Variants in HDAC4 observed in about 807,000 individuals in gnomAD.
The protein encoded by HDAC4 is histone deacetylase 4.
HDAC4 carries 16 observed loss-of-function variants against 135.1 expected under a neutral mutation model. That is an observed-to-expected ratio of 0.12 (90% CI 0.08 to 0.18). HDAC4 has a LOEUF of 0.18. HDAC4 is among the 10% of genes least tolerant of loss of function. The pLI, the probability that HDAC4 is intolerant of heterozygous loss-of-function variation, is 1.00. For missense variants in HDAC4, 1,143 were observed against 1,511.8 expected (o/e 0.76, Z 4.05); for synonymous variants, 685 against 653.4 (o/e 1.05, Z -0.74).
At chr2:239,399,973 T>A (rs1203890225) in intron 1 of HDAC4, among the ~76,000 whole-genome samples, 1 of 152,230 alleles carries the variant, frequency 6.6e-6, no homozygotes, top group African/African-American at 2.4e-5. Context: ...ATTAAATGAG[T>A]ACACTGGGTT....
intron 17 of HDAC4, among the ~76,000 whole-genome samples, chr2:239,093,137 G>A (rs915333596): frequency 6.6e-6 from 1 of 152,152 alleles, no homozygotes. Flanking sequence ...TGAAACTTGC[G>A]GTCACTGGAG....
In HDAC4 at chr2:239,262,211, G is replaced by C. The variant is rs2049415373; in HGVS notation, c.23-25547C>G. ...TATCCACGTGGCTTTTTATAAGCTA[G>C]TATTTCCTCCTGTGGTGTCTCCTTG... On this transcript the variant is annotated intron_variant, in intron 2 of 26. Coordinates refer to ENST00000543185, the MANE Select transcript of HDAC4 (RefSeq NM_001378414.1). This position sits in a 1 kb window ranked among gnomAD's most constrained non-coding sequence, Gnocchi z 4.1. 6.6e-6 allele frequency among the ~76,000 whole-genome samples: 1 copy of C among 152,180 alleles called. No individual in the cohort carries two copies. The highest frequency in any genetic ancestry group is 1.5e-5 in the Non-Finnish European group (1 of 68,024).
At chr2:239,163,986 G>C in intron 5 of HDAC4, 63 bp from the exon 6 acceptor site, 1 of 1,603,602 alleles carries the variant, frequency 6.2e-7, no homozygotes, top group Non-Finnish European at 8.5e-7. Context: ...AGCAATGCAG[G>C]GCAGCGGGGC....
In HDAC4 at chr2:239,104,707, G is replaced by A. The variant is rs1008932400; in HGVS notation, c.2113-1811C>T. Among the ~76,000 whole-genome samples the A allele has an allele frequency of 9.2e-5, 14 of 152,250 alleles. 1 individual carries two copies. The highest frequency in any genetic ancestry group is 9.2e-4 in the Admixed American group (14 of 15,288). On this transcript the variant is annotated intron_variant, in intron 15 of 26. Coordinates refer to ENST00000543185, the MANE Select transcript of HDAC4 (RefSeq NM_001378414.1). The stretch of plus-strand genomic sequence containing the variant: ...TGCCAAGAGGCAGGTCATGTAGTGT[G>A]GACTTTGGGTGAAAGAACGGCAGGG...
intron 2 of HDAC4, among the ~76,000 whole-genome samples, chr2:239,328,829 C>T (rs1691346887): frequency 6.6e-6 from 1 of 152,250 alleles, no homozygotes; most frequent in Non-Finnish European, 1.5e-5. Flanking sequence ...GGCCAAGAGT[C>T]AGGAGCGGTG....
chr2:239,282,631 G>T (rs1381694131), intron 2 of HDAC4, among the ~76,000 whole-genome samples: 1 of 136,128 alleles, frequency 7.3e-6, no homozygotes, highest in African/African-American at 2.8e-5. Context: ...ACTCGACAAT[G>T]TACACACCAC....
At chr2:239,177,644 C>T (rs989527913) in intron 4 of HDAC4, among the ~76,000 whole-genome samples, 3 of 151,918 alleles carry the variant, frequency 2.0e-5, no homozygotes, top group Admixed American at 1.3e-4. Context: ...AAACTGACGT[C>T]GACATAAAAT....
chr2:239,057,135 G>C (rs1043578043), intron 24 of HDAC4, among the ~76,000 whole-genome samples: 1 of 152,150 alleles, frequency 6.6e-6, no homozygotes, highest in African/African-American at 2.4e-5. Flanking sequence ...GACTCATATC[G>C]AAGTAAGATG....
At chr2:239,372,610 C>A (rs949900839) in intron 1 of HDAC4, among the ~76,000 whole-genome samples, 1 of 152,246 alleles carries the variant, frequency 6.6e-6, no homozygotes, top group Non-Finnish European at 1.5e-5. Context: ...GAGCTCTGGT[C>A]CCCTCTCTCT....
chr2:239,271,254 T>C (rs1292656969), intron 2 of HDAC4, among the ~76,000 whole-genome samples: 1 of 152,114 alleles, frequency 6.6e-6, no homozygotes, highest in Non-Finnish European at 1.5e-5. Context: ...GCTGGAATCA[T>C]AGGTGCATGC....
rs552923778 is a variant in HDAC4, at chr2:239,184,228, G to T, written c.339+5605C>A. ...GAGAGGGTAAGCCTTGCAGGAGGGC[G>T]ATGTGCAACCTACATACAAAAGGTG... On this transcript the variant is annotated intron_variant, in intron 4 of 26. Coordinates refer to ENST00000543185, the MANE Select transcript of HDAC4 (RefSeq NM_001378414.1). Among the ~76,000 whole-genome samples, 4 of 152,332 alleles carry T rather than the reference G, an allele frequency of 2.6e-5. No individual in the cohort carries two copies. The East Asian group carries it at 7.7e-4, about 29-fold the overall frequency.
At chr2:239,252,912 A>G (rs2048860665) in intron 2 of HDAC4, among the ~76,000 whole-genome samples, 2 of 152,236 alleles carry the variant, frequency 1.3e-5, no homozygotes, top group Admixed American at 1.3e-4. Flanking sequence ...GTTCTCCGCC[A>G]GGAACGCACC....
At chr2:239,123,534 G>A (rs924008609) in intron 12 of HDAC4, among the ~76,000 whole-genome samples, 1 of 152,246 alleles carries the variant, frequency 6.6e-6, no homozygotes, top group Non-Finnish European at 1.5e-5. Context: ...TCAATCCTGA[G>A]CCTGCAGCCC....
At chr2:239,365,945 G>A (rs1238686400) in intron 1 of HDAC4, among the ~76,000 whole-genome samples, 2 of 151,840 alleles carry the variant, frequency 1.3e-5, no homozygotes, top group Non-Finnish European at 2.9e-5. Flanking sequence ...GGCACTATGT[G>A]ACATACACAG....
At chr2:239,210,367 A>G (rs569987904) in intron 3 of HDAC4, among the ~76,000 whole-genome samples, 68 of 152,258 alleles carry the variant, frequency 4.5e-4, no homozygotes, top group Non-Finnish European at 9.1e-4. Context: ...CGACGTCAGT[A>G]TGATTTCGAT....
intron 2 of HDAC4, among the ~76,000 whole-genome samples, chr2:239,249,731 T>A (rs2048674304): frequency 6.6e-6 from 1 of 151,804 alleles, no homozygotes; most frequent in Admixed American, 6.6e-5. Context: ...TGGGAGGGGC[T>A]CTAATCTTCT....
rs2031002027 is a variant in HDAC4 at position 239,052,463 on chromosome 2, A to C, written c.*634T>G. ...CTTCCGATGGCTTTTGAGAAACTCAAGCCAGCTCCCCCAGCTCACATTCCT... is the reference window on the plus strand; with the variant it reads ...CTTCCGATGGCTTTTGAGAAACTCACGCCAGCTCCCCCAGCTCACATTCCT... On this transcript the variant is annotated 3_prime_UTR_variant, in exon 27 of 27. Transcript: ENST00000543185. 1 of 152,632 alleles carries C rather than the reference A, an allele frequency of 6.6e-6. No homozygotes were observed. Among genetic ancestry groups the C allele is most frequent in the Admixed American group, 6.5e-5 (1 of 15,290 alleles). 9.5% of individuals were successfully genotyped at this position (152,632 alleles called of 1,614,324 possible).
intron 5 of HDAC4, among the ~76,000 whole-genome samples, chr2:239,174,658 T>A (rs1213674539): frequency 6.6e-6 from 1 of 152,244 alleles, no homozygotes; most frequent in African/African-American, 2.4e-5. Flanking sequence ...TGCCCACATG[T>A]ACCAAGAAAC....
intron 3 of HDAC4, among the ~76,000 whole-genome samples, chr2:239,220,084 C>A (rs2046865776): frequency 6.6e-6 from 1 of 152,184 alleles, no homozygotes; most frequent in Non-Finnish European, 1.5e-5. Context: ...TTACAAAAAC[C>A]AATGCCACAT....
Sources: allele counts gnomAD v4.1 joint callset (sites outside exome capture counted in the v4.1 genomes callset), GRCh38; gene constraint gnomAD v4.1.1; non-coding constraint Gnocchi (gnomAD v3.1); transcripts MANE v1.5; gene names NCBI Gene and HGNC (gene_info 2026-07-23, HGNC 2026-07-21).